The following WDPCP variants were observed in gnomAD, a reference collection of about 807,000 sequenced individuals.
The protein encoded by WDPCP is WD repeat-containing and planar cell polarity effector protein fritz homolog.
In WDPCP, 71 loss-of-function variants were observed where a neutral mutation model predicts 93.1. The ratio of observed to expected loss-of-function variants is 0.76; its 90% CI spans 0.63 to 0.93. The LOEUF (loss-of-function observed/expected upper bound fraction) is 0.93. Ranked by LOEUF, WDPCP falls within the 40% of genes least tolerant of loss-of-function variation. The pLI is 0.00. For synonymous variants in WDPCP, 315 were observed against 315.0 expected, an observed-to-expected ratio of 1.00 and a Z score of 0.00; for missense variants, 844 against 887.4, an observed-to-expected ratio of 0.95 and a Z score of 0.62.
At chr2:63,768,443 A>G in intron 2 of WDPCP, among the ~76,000 whole-genome samples, 1 of 150,756 alleles carries the variant, frequency 6.6e-6, no homozygotes. Context: ...TGAAATTTTG[A>G]TAGGGGTTGC....
chr2:63,735,746 T>A (rs1297358802), intron 2 of WDPCP, among the ~76,000 whole-genome samples: 1 of 152,170 alleles, frequency 6.6e-6, no homozygotes, highest in Non-Finnish European at 1.5e-5. Flanking sequence ...AGAAATATTA[T>A]GAAATCAGAA....
intron 3 of WDPCP, among the ~76,000 whole-genome samples, chr2:63,612,278 C>A (rs1243566547): frequency 1.3e-5 from 2 of 152,216 alleles, no homozygotes; most frequent in Non-Finnish European, 1.5e-5. Flanking sequence ...ATAGTACAAC[C>A]TTTAAAATGT....
rs1691004356 is a variant in WDPCP, at chr2:63,367,431, T to C, written c.1748+10955A>G. 3.3e-5 allele frequency among the ~76,000 whole-genome samples: 5 copies of C among 152,120 alleles called. 1 individual carries two copies. The highest frequency in any genetic ancestry group is 1.2e-4 in the African/African-American group (5 of 41,456). On this transcript the variant is annotated intron_variant, in intron 12 of 17. Coordinates refer to ENST00000272321, the MANE Select transcript of WDPCP (RefSeq NM_015910.7). The stretch of plus-strand genomic sequence containing the variant: ...ACTTCTGACTCAGTAATTCCATTTA[T>C]AGAAATTTATTTTCAGGAAATAATC...
chr2:63,132,944 A>G (rs541908318), intron 17 of WDPCP, among the ~76,000 whole-genome samples: 12 of 152,244 alleles, frequency 7.9e-5, no homozygotes, highest in African/African-American at 2.6e-4. Flanking sequence ...TAAATTCACA[A>G]TAGTTATGTT....
intron 3 of WDPCP, among the ~76,000 whole-genome samples, chr2:63,641,075 T>C (rs1249640250): frequency 6.6e-6 from 1 of 152,198 alleles, no homozygotes; most frequent in East Asian, 1.9e-4. Context: ...GGGATGGTTG[T>C]CTTTCTGTGC....
chr2:63,810,785 T>C (rs534475845), intron 2 of WDPCP, among the ~76,000 whole-genome samples: 2 of 152,338 alleles, frequency 1.3e-5, no homozygotes, highest in South Asian at 4.1e-4. Context: ...TTGGATATAA[T>C]GTACGGAAAA....
At chr2:63,325,674 T>C (rs758432274) in intron 12 of WDPCP, among the ~76,000 whole-genome samples, 32 of 152,212 alleles carry the variant, frequency 2.1e-4, no homozygotes, top group Non-Finnish European at 4.0e-4. Context: ...CATGCCTTTC[T>C]TGTTATGCCT....
chr2:63,538,508 G>T (rs1704480494), intron 1 of WDPCP, among the ~76,000 whole-genome samples: 1 of 151,984 alleles, frequency 6.6e-6, no homozygotes, highest in African/African-American at 2.4e-5. Flanking sequence ...ACATTCTATG[G>T]GAGAGAAATT....
At chr2:63,705,714 C>T (rs1360810075) in intron 2 of WDPCP, among the ~76,000 whole-genome samples, 1 of 149,476 alleles carries the variant, frequency 6.7e-6, no homozygotes, top group African/African-American at 2.5e-5. Context: ...GCTTTACTTC[C>T]AACTATGTGG....
chr2:63,732,392 T>C (rs1406358670), intron 2 of WDPCP, among the ~76,000 whole-genome samples: 2 of 152,136 alleles, frequency 1.3e-5, no homozygotes, highest in Admixed American at 6.5e-5. Context: ...TGGCAAATCA[T>C]GCTACAAAAA....
chr2:63,717,472 G>A lies in WDPCP; in HGVS notation n.309-66634C>T, dbSNP rs191357785. On this transcript the variant is annotated intron_variant and non_coding_transcript_variant, in intron 2 of 4. Coordinates refer to the WDPCP transcript ENST00000467687. Reference sequence around the variant, plus strand: ...CTAAAGGTGGGAAAGAATTAAGGGCGGCAAAGATGTGTCAGATGAGCATTT... The same window carrying A: ...CTAAAGGTGGGAAAGAATTAAGGGCAGCAAAGATGTGTCAGATGAGCATTT... 4.6e-4 allele frequency: 181 copies of A among 396,628 alleles called. 1 individual carries two copies. The highest frequency in any genetic ancestry group is 2.2e-3 in the East Asian group (33 of 15,240). 24.6% of individuals were successfully genotyped at this position (396,628 alleles called of 1,614,324 possible).
intron 9 of WDPCP, among the ~76,000 whole-genome samples, chr2:63,409,433 A>T (rs2176415): frequency 6.6e-6 from 1 of 152,004 alleles, no homozygotes; most frequent in Non-Finnish European, 1.5e-5. Context: ...TCTGACGGAG[A>T]CTACCCAAAT....
chr2:63,652,954 A>G lies in WDPCP; in HGVS notation n.309-2116T>C, dbSNP rs533381654. On this transcript the variant is annotated intron_variant and non_coding_transcript_variant, in intron 2 of 4. Transcript: ENST00000467687. ...GGTAAAAAACCTAGATAACGAGACA[A>G]AAAAGAAACAACCATTCTCAGATAT... Among the ~76,000 whole-genome samples the G allele has an allele frequency of 2.6e-5, 4 of 152,368 alleles. No homozygotes were observed. The South Asian group carries it at 8.3e-4, about 32-fold the overall frequency.
intron 13 of WDPCP, among the ~76,000 whole-genome samples, chr2:63,283,667 C>A (rs761545122): frequency 6.6e-6 from 1 of 152,172 alleles, no homozygotes; most frequent in Non-Finnish European, 1.5e-5. Context: ...TACAATAACA[C>A]GCTCAGGACA....
intron 10 of WDPCP, among the ~76,000 whole-genome samples, chr2:63,395,433 G>A (rs923680965): frequency 6.6e-6 from 1 of 152,100 alleles, no homozygotes; most frequent in African/African-American, 2.4e-5. Flanking sequence ...CACTCTGTAT[G>A]TCCACGTGTA....
chr2:63,123,397 C>T (rs1451431337), intron 17 of WDPCP, among the ~76,000 whole-genome samples: 2 of 152,056 alleles, frequency 1.3e-5, no homozygotes, highest in African/African-American at 4.8e-5. Context: ...TCGTGTCGTT[C>T]AGCCATGTTG....
At chr2:63,616,374 G>T (rs1709673593) in intron 3 of WDPCP, among the ~76,000 whole-genome samples, 1 of 152,144 alleles carries the variant, frequency 6.6e-6, no homozygotes, top group Non-Finnish European at 1.5e-5. Context: ...ACAAACTGGG[G>T]GAATTAAGGG....
intron 2 of WDPCP, among the ~76,000 whole-genome samples, chr2:63,757,898 G>T (rs1049480720): frequency 6.6e-6 from 1 of 152,162 alleles, no homozygotes; most frequent in Non-Finnish European, 1.5e-5. Context: ...GCTAACCTGA[G>T]TTCTGAATGT....
Position 63,396,599 on chromosome 2 carries a change from A to T in WDPCP, c.1435+7449T>A, listed in dbSNP as rs555320383. On this transcript the variant is annotated intron_variant, in intron 10 of 17. Coordinates refer to ENST00000272321, the MANE Select transcript of WDPCP (RefSeq NM_015910.7). The stretch of plus-strand genomic sequence containing the variant: ...CTGGGAAGCTACACTAGTGCAACTC[A>T]GCTGGGGAGATAAAGACCAAGTGGC... Among the ~76,000 whole-genome samples the T allele has an allele frequency of 7.9e-5, 12 of 152,294 alleles. No homozygotes were observed. In the South Asian group the frequency reaches 1.9e-3, roughly 24 times the overall value.
Sources: gnomAD v4.1 joint callset for allele counts (sites outside exome capture counted in the v4.1 genomes callset) on GRCh38, gnomAD v4.1.1 for gene constraint, MANE v1.5 for transcripts, NCBI Gene and HGNC (gene_info 2026-07-23, HGNC 2026-07-21) for gene names.